NID1: variants seen among roughly 807,000 people sequenced by gnomAD.
NID1 encodes nidogen-1.
Under a neutral mutation model 130.6 loss-of-function variants are expected in NID1, and 76 were observed. The observed-to-expected ratio is 0.58, with a 90% CI of 0.48 to 0.70. NID1 has a LOEUF of 0.70. NID1 is among the 30% of genes least tolerant of loss of function. The pLI is 0.00. For missense variants in NID1, 1,517 were observed against 1,664.8 expected, an observed-to-expected ratio of 0.91 and a Z score of 1.54; for synonymous variants, 665 against 675.1, an observed-to-expected ratio of 0.98 and a Z score of 0.23.
chr1:236,053,044 T>A (rs1659806593), intron 1 of NID1, among the ~76,000 whole-genome samples: 1 of 152,256 alleles, frequency 6.6e-6, no homozygotes, highest in Admixed American at 6.5e-5. Context: ...TTGTTTGTTT[T>A]TGAACTTCGT....
At chr1:235,990,725 A>C (rs1243798284) in intron 14 of NID1, among the ~76,000 whole-genome samples, 161 bp downstream of exon 14, 1 of 151,634 alleles carries the variant, frequency 6.6e-6, no homozygotes, top group Non-Finnish European at 1.5e-5. Context: ...GCAGCTCAGC[A>C]ATACAGTGGC....
Position 235,993,966 on chromosome 1 carries a change from A to G in NID1, c.2528-94T>C, listed in dbSNP as rs1657843664. On this transcript the variant is annotated intron_variant, in intron 12 of 19. Transcript: ENST00000264187. ...CAGGAGTCCCCGCAGCTCGCTCAGA[A>G]CCACGAGGGCTGCCTGTGTGTCACT... The G allele has an allele frequency of 3.6e-6, 4 of 1,126,656 alleles. No individual in the cohort carries two copies. The Admixed American group carries it at 9.4e-5, about 26-fold the overall frequency. The allele number at this position is 1,126,656 out of a possible 1,614,324, so 69.8% of individuals were successfully genotyped here.
Position 236,049,282 on chromosome 1 carries a change from G to C in NID1, c.226-293C>G, listed in dbSNP as rs570990937. Among the ~76,000 whole-genome samples, 3 of 152,196 alleles carry C rather than the reference G, an allele frequency of 2.0e-5. No individual in the cohort carries two copies. The East Asian group carries it at 5.8e-4, about 29-fold the overall frequency. On this transcript the variant is annotated intron_variant, in intron 1 of 19. Coordinates refer to ENST00000264187, the MANE Select transcript of NID1 (RefSeq NM_002508.3). ...GGTGTGCGTACAAACATGGTTAGGA[G>C]CCTGGGCATCAAAGTGAGATCCCAT...
At chr1:236,055,196 C>T (rs1017131272) in intron 1 of NID1, among the ~76,000 whole-genome samples, 3 of 151,694 alleles carry the variant, frequency 2.0e-5, no homozygotes, top group South Asian at 2.1e-4. Flanking sequence ...CCCAGCTACT[C>T]GGGAGGCTGA....
At chr1:236,033,046 G>A (rs1659146723) in intron 5 of NID1, among the ~76,000 whole-genome samples, 1 of 152,208 alleles carries the variant, frequency 6.6e-6, no homozygotes, top group African/African-American at 2.4e-5. Flanking sequence ...GGTGGCTCAT[G>A]CCTGTAATCC....
At chr1:236,062,244 A>C (rs1424061168) in intron 1 of NID1, among the ~76,000 whole-genome samples, 2 of 152,188 alleles carry the variant, frequency 1.3e-5, no homozygotes, top group Admixed American at 1.3e-4. Flanking sequence ...CTTTTGATCC[A>C]CACCAGGTCT....
intron 13 of NID1, 34 bp downstream of exon 13, chr1:235,993,611 G>C: frequency 6.7e-7 from 1 of 1,489,978 alleles, no homozygotes; most frequent in South Asian, 1.3e-5. Flanking sequence ...GTCCTTCTCA[G>C]GCACACGCCC....
chr1:236,062,982 C>T (rs1660083482), intron 1 of NID1, among the ~76,000 whole-genome samples: 1 of 150,030 alleles, frequency 6.7e-6, no homozygotes, highest in South Asian at 2.1e-4. Context: ...GGTGAAATCC[C>T]GTCTATACTA....
Position 235,981,759 on chromosome 1 carries a change from C to G in NID1, c.3079G>C (p.Ala1027Pro). Residue 1027 changes from alanine to proline, a missense_variant, in exon 16 of 20, where the codon GCT (alanine) becomes CCT (proline). Around this residue, in one of 3 missense-constraint regions of NID1, gnomAD observed 1,329 missense variants for 1,429.2 expected, o/e 0.93. Transcript: ENST00000264187. Reference protein sequence around the residue: ...RQDLGSPEGIAVDHLGRNIFW... With the variant: ...RQDLGSPEGIPVDHLGRNIFW... ...ATGTTGCGGCCAAGGTGATCAACAG[C>G]GATACCTTCTGGACTTCCAAGATCT... is the stretch of plus-strand genomic sequence containing the variant. The G allele has an allele frequency of 6.2e-7, 1 of 1,613,078 alleles. No individual in the cohort carries two copies. Among genetic ancestry groups the G allele is most frequent in the Non-Finnish European group, 8.5e-7 (1 of 1,179,584 alleles).
intron 12 of NID1, among the ~76,000 whole-genome samples, chr1:236,006,268 A>G (rs1373721514): frequency 6.6e-6 from 1 of 152,218 alleles, no homozygotes; most frequent in Non-Finnish European, 1.5e-5. Flanking sequence ...TGAAATTAGA[A>G]TATCACCATT....
Position 236,038,200 on chromosome 1 carries a change from A to C in NID1, c.1189T>G (p.Cys397Gly). ...TCCCTGCACTCTGCGTGCACCGAGC[A>C]CTGGTGTCTGTTGTTAGCACACGTC... is the stretch of plus-strand genomic sequence containing the variant. ...RQTCANNRHQCSVHAECRDYA... is the reference protein window; with the variant it reads ...RQTCANNRHQGSVHAECRDYA... Residue 397 changes from cysteine (C) to glycine (G), a missense_variant, in exon 5 of 20, where the codon TGC (cysteine) becomes GGC (glycine). By Grantham distance (159) the Cys-to-Gly change is radical (BLOSUM62 -3). Around this residue, in one of 3 missense-constraint regions of NID1, gnomAD observed 1,329 missense variants for 1,429.2 expected, o/e 0.93. Coordinates refer to ENST00000264187, the MANE Select transcript of NID1 (RefSeq NM_002508.3). The C allele has an allele frequency of 6.2e-7, 1 of 1,613,828 alleles. No homozygotes were observed. The highest frequency in any genetic ancestry group is 8.5e-7 in the Non-Finnish European group (1 of 1,179,738).
intron 7 of NID1, among the ~76,000 whole-genome samples, chr1:236,027,253 A>T (rs6429465): frequency 0.51 from 77,609 of 151,780 alleles, 20,543 homozygotes; most frequent in African/African-American, 0.63. Context: ...CTGTTTTTTT[A>T]AAAAAAAGCA....
chr1:236,011,578 T>C (rs1183580874), intron 12 of NID1, among the ~76,000 whole-genome samples: 5 of 152,302 alleles, frequency 3.3e-5, no homozygotes, highest in Non-Finnish European at 5.9e-5. Flanking sequence ...ATTGGGATTA[T>C]AGGCAATGTT....
chr1:236,022,509 T>C (rs535006154), intron 9 of NID1, among the ~76,000 whole-genome samples: 1 of 151,200 alleles, frequency 6.6e-6, no homozygotes, highest in Admixed American at 6.6e-5. Flanking sequence ...CTTGGCTAAT[T>C]TTTGCATTTT....
At chr1:236,043,753 G>C (rs527757469) in intron 3 of NID1, among the ~76,000 whole-genome samples, 2 of 152,024 alleles carry the variant, frequency 1.3e-5, no homozygotes, top group Non-Finnish European at 2.9e-5. Flanking sequence ...AGCCAAGATC[G>C]TGCCACTGCA....
rs139379464 is a variant in NID1, at chr1:235,997,382, A to G, written c.2528-3510T>C. 2.0e-3 allele frequency among the ~76,000 whole-genome samples: 301 copies of G among 152,288 alleles called. 2 individuals are homozygous for G. The highest frequency in any genetic ancestry group is 6.9e-3 in the African/African-American group (287 of 41,556). ...ACAAACAGTGGGCCAGATTTGGCCTATGGGGACTGTAGTTGCCAACCCCTG... is the reference window on the plus strand; with the variant it reads ...ACAAACAGTGGGCCAGATTTGGCCTGTGGGGACTGTAGTTGCCAACCCCTG... On this transcript the variant is annotated intron_variant, in intron 12 of 19. Coordinates refer to ENST00000264187, the MANE Select transcript of NID1 (RefSeq NM_002508.3).
chr1:236,046,231 G>A (rs1312992138), intron 2 of NID1, among the ~76,000 whole-genome samples: 1 of 152,180 alleles, frequency 6.6e-6, no homozygotes, highest in Non-Finnish European at 1.5e-5. Context: ...GTAAAATGGA[G>A]ATAAAACCAC....
chr1:236,036,410 G>A (rs1309891993), intron 5 of NID1, among the ~76,000 whole-genome samples: 3 of 152,136 alleles, frequency 2.0e-5, no homozygotes, highest in African/African-American at 4.8e-5. Flanking sequence ...AAATGATAAC[G>A]AATTTAATTA....
At position 236,041,959 on chromosome 1, in the gene NID1, C is replaced by T; in HGVS notation, c.1086G>A (p.Gln362=). The change falls in exon 4 of 20, where the codon CAG becomes CAA. Residue 362 remains glutamine (Q), a synonymous_variant. Coordinates refer to ENST00000264187, the MANE Select transcript of NID1 (RefSeq NM_002508.3). ...SFQLAVETFH[Q]QHPQVIDVDE... is the part of the protein sequence containing the mutation. ...CCACATCTATGACCTGAGGGTGCTG[C>T]TGGTGAAAAGTCTCCACTGCCAACT... is the stretch of plus-strand genomic sequence containing the variant. 1 of 1,613,976 alleles carries T rather than the reference C, an allele frequency of 6.2e-7. No homozygotes were observed. The highest frequency in any genetic ancestry group is 1.3e-5 in the African/African-American group (1 of 75,020).
Sources: allele counts gnomAD v4.1 joint callset (sites outside exome capture counted in the v4.1 genomes callset), GRCh38; gene constraint gnomAD v4.1.1; regional missense constraint gnomAD v4.1.1; transcripts MANE v1.5; gene names NCBI Gene and HGNC (gene_info 2026-07-23, HGNC 2026-07-21).